SORCS2: variants seen among roughly 807,000 people sequenced by gnomAD.
The protein encoded by SORCS2 is VPS10 domain-containing receptor SorCS2.
Under a neutral mutation model 141.6 loss-of-function variants are expected in SORCS2, and 100 were observed. The ratio of observed to expected loss-of-function variants is 0.71; its 90% CI spans 0.60 to 0.83. The LOEUF is 0.83. Ranked by LOEUF, SORCS2 falls within the 40% of genes least tolerant of loss-of-function variation. The pLI is 0.00. For missense variants in SORCS2, 1,646 were observed against 1,560.2 expected (o/e 1.05, Z -0.93); for synonymous variants, 789 against 676.9 (o/e 1.17, Z -2.57).
chr4:7,265,440 G>A lies in SORCS2; in HGVS notation c.480+72314G>A, dbSNP rs371559034. Among the ~76,000 whole-genome samples, 75 of 152,264 alleles carry A rather than the reference G, an allele frequency of 4.9e-4. 1 individual carries two copies. In the East Asian group the frequency reaches 7.3e-3, roughly 15 times the overall value. On this transcript the variant is annotated intron_variant, in intron 1 of 26. Transcript: ENST00000507866. ...TGGGAGGCAGAGGGTGCAGTGAGCCGAGATTGCACCACTGCACTCCAGCCT... is the reference window on the plus strand; with the variant it reads ...TGGGAGGCAGAGGGTGCAGTGAGCCAAGATTGCACCACTGCACTCCAGCCT...
intron 1 of SORCS2, among the ~76,000 whole-genome samples, chr4:7,230,198 G>A (rs1236908126): frequency 8.0e-5 from 10 of 125,766 alleles, no homozygotes; most frequent in Admixed American, 1.6e-4. Context: ...TCTCTGGGCC[G>A]GAGCAGTGTC....
chr4:7,647,348 G>A (rs1721146745), intron 4 of SORCS2, among the ~76,000 whole-genome samples: 1 of 152,180 alleles, frequency 6.6e-6, no homozygotes, highest in Non-Finnish European at 1.5e-5. Context: ...CAGGATTGCT[G>A]AAGAGAAAGA....
intron 1 of SORCS2, among the ~76,000 whole-genome samples, chr4:7,312,985 C>T (rs1718288922): frequency 6.6e-6 from 1 of 152,232 alleles, no homozygotes. Context: ...TGCTGATCTT[C>T]CAAGGCCTCG....
intron 3 of SORCS2, among the ~76,000 whole-genome samples, chr4:7,551,095 G>T (rs1713664166): frequency 6.6e-6 from 1 of 152,204 alleles, no homozygotes; most frequent in Non-Finnish European, 1.5e-5. Flanking sequence ...GTTCTGCCTA[G>T]CCCATTGATT....
chr4:7,635,401 A>G (rs1045982559), intron 3 of SORCS2, among the ~76,000 whole-genome samples: 1 of 152,196 alleles, frequency 6.6e-6, no homozygotes, highest in African/African-American at 2.4e-5. Context: ...TATCAAAGTA[A>G]AAAAGTAAAT....
intron 2 of SORCS2, among the ~76,000 whole-genome samples, chr4:7,453,269 A>T (rs1477354149): frequency 1.1e-4 from 5 of 44,792 alleles, no homozygotes; most frequent in South Asian, 8.9e-4. Flanking sequence ...GGGGTCAGGC[A>T]CTGTGTTGGG....
At chr4:7,479,761 G>A (rs1730515513) in intron 2 of SORCS2, among the ~76,000 whole-genome samples, 1 of 152,278 alleles carries the variant, frequency 6.6e-6, no homozygotes, top group African/African-American at 2.4e-5. Flanking sequence ...GGATACAGAT[G>A]CTCTGCAAAT....
intron 1 of SORCS2, among the ~76,000 whole-genome samples, chr4:7,369,278 T>C (rs1026940376): frequency 2.0e-5 from 3 of 152,176 alleles, no homozygotes; most frequent in Non-Finnish European, 4.4e-5. Context: ...ACTGCTGCAC[T>C]CCAGCCTGAG....
intron 1 of SORCS2, among the ~76,000 whole-genome samples, chr4:7,392,771 A>T (rs886502874): frequency 4.6e-5 from 7 of 152,044 alleles, no homozygotes; most frequent in African/African-American, 1.4e-4. Context: ...GCAAACCCAT[A>T]AAAGCCCTGG....
At chr4:7,503,577 G>C (rs2109436975) in intron 2 of SORCS2, among the ~76,000 whole-genome samples, 1 of 152,316 alleles carries the variant, frequency 6.6e-6, no homozygotes, top group South Asian at 2.1e-4. Flanking sequence ...CGGAGACCCA[G>C]ATACACCTGC....
At position 7,702,267 on chromosome 4, in the gene SORCS2, C is replaced by T. The variant is rs542037887; in HGVS notation, c.1669-1013C>T. Among the ~76,000 whole-genome samples, 326 of 152,224 alleles carry T rather than the reference C, an allele frequency of 2.1e-3. 1 individual carries two copies. The highest frequency in any genetic ancestry group is 3.8e-3 in the Non-Finnish European group (260 of 68,004). On this transcript the variant is annotated intron_variant, in intron 12 of 26. Coordinates refer to ENST00000507866, the MANE Select transcript of SORCS2 (RefSeq NM_020777.3). ...GTGGGAGGGCAAAGGGGGCCACTTT[C>T]GAGGAGGGGCGGTATGGGGCGAGGG...
chr4:7,485,792 A>G (rs1418355207), intron 2 of SORCS2, among the ~76,000 whole-genome samples: 1 of 152,168 alleles, frequency 6.6e-6, no homozygotes, highest in African/African-American at 2.4e-5. Context: ...TGAGGCTCCC[A>G]GTGGCAGGAG....
intron 1 of SORCS2, among the ~76,000 whole-genome samples, chr4:7,362,448 G>A (rs1721634008): frequency 6.6e-6 from 1 of 152,168 alleles, no homozygotes; most frequent in African/African-American, 2.4e-5. Context: ...ATTTTCTGCT[G>A]TATTTGGTTT....
At chr4:7,632,293 A>AG (rs1184423732) in intron 3 of SORCS2, among the ~76,000 whole-genome samples, 1 of 152,132 alleles carries the variant, frequency 6.6e-6, no homozygotes, top group African/African-American at 2.4e-5. Flanking sequence ...ATTTCAAAAA[A>AG]CCAGCCTCCT....
chr4:7,270,450 T>C (rs969039995), intron 1 of SORCS2, among the ~76,000 whole-genome samples: 2 of 152,228 alleles, frequency 1.3e-5, no homozygotes, highest in Non-Finnish European at 2.9e-5. Flanking sequence ...GATTATGATT[T>C]GGATCTGGCC....
At chr4:7,642,587 T>C (rs1720819141) in intron 4 of SORCS2, among the ~76,000 whole-genome samples, 1 of 152,178 alleles carries the variant, frequency 6.6e-6, no homozygotes, top group Non-Finnish European at 1.5e-5. Flanking sequence ...AGCAGGGTGG[T>C]GTGGTGGAAC....
chr4:7,456,396 G>T (rs1389403577), intron 2 of SORCS2, among the ~76,000 whole-genome samples: 2 of 152,154 alleles, frequency 1.3e-5, no homozygotes, highest in Non-Finnish European at 2.9e-5. Flanking sequence ...GTTGGTCTCT[G>T]TTTCACATTC....
chr4:7,620,129 C>T (rs190665005), intron 3 of SORCS2, among the ~76,000 whole-genome samples: 13 of 152,140 alleles, frequency 8.5e-5, no homozygotes, highest in African/African-American at 3.1e-4. Flanking sequence ...TCCTGAGCAC[C>T]CCCAGCACCT....
intron 3 of SORCS2, among the ~76,000 whole-genome samples, chr4:7,588,663 A>G (rs1275725597): frequency 1.3e-5 from 2 of 152,158 alleles, no homozygotes; most frequent in African/African-American, 2.4e-5. Context: ...GGCGTTTTGT[A>G]TCCTTCCTGG....
Sources: gnomAD v4.1 joint callset for allele counts (sites outside exome capture counted in the v4.1 genomes callset) on GRCh38, gnomAD v4.1.1 for gene constraint, MANE v1.5 for transcripts, NCBI Gene and HGNC (gene_info 2026-07-23, HGNC 2026-07-21) for gene names.